The following CACNG3 variants were observed in gnomAD, a reference collection of about 807,000 sequenced individuals.
The protein encoded by CACNG3 is calcium voltage-gated channel auxiliary subunit gamma 3.
CACNG3 carries 3 observed loss-of-function variants against 28.5 expected under a neutral mutation model. The observed-to-expected ratio is 0.11, with a 90% CI of 0.05 to 0.27. CACNG3 has a LOEUF of 0.27. CACNG3 is among the 10% of genes least tolerant of loss of function. The pLI is 1.00. For synonymous variants in CACNG3, 174 were observed against 162.2 expected (o/e 1.07, Z -0.55); for missense variants, 236 against 414.4 (o/e 0.57, Z 3.74).
intron 1 of CACNG3, among the ~76,000 whole-genome samples, chr16:24,303,824 G>A (rs2141361313): frequency 6.6e-6 from 1 of 152,214 alleles, no homozygotes; most frequent in Admixed American, 6.5e-5. Context: ...AGGCTGAGGT[G>A]GGAGGGTAGC....
intron 1 of CACNG3, among the ~76,000 whole-genome samples, chr16:24,317,616 AAGAAAGAAAGACAGAC>A (rs1241544731): frequency 2.9e-5 from 2 of 68,908 alleles, no homozygotes; most frequent in Admixed American, 1.5e-4. Context: ...GAAAGAAAGA[AAGAAAGAAAGACAGAC>A]AGAAAGAAAG....
chr16:24,289,429 C>T (rs934973516), intron 1 of CACNG3, among the ~76,000 whole-genome samples: 8 of 152,180 alleles, frequency 5.3e-5, no homozygotes, highest in African/African-American at 1.7e-4. Flanking sequence ...AATTCTGAAA[C>T]AGCTGAAATG....
intron 3 of CACNG3, among the ~76,000 whole-genome samples, chr16:24,359,639 A>G (rs1015470496): frequency 1.3e-5 from 2 of 152,008 alleles, no homozygotes; most frequent in Non-Finnish European, 2.9e-5. Context: ...GGGTGGGAGG[A>G]TCACTTGAGG....
At chr16:24,340,712 C>G (rs1159741920) in intron 1 of CACNG3, among the ~76,000 whole-genome samples, 1 of 152,188 alleles carries the variant, frequency 6.6e-6, no homozygotes, top group African/African-American at 2.4e-5. Flanking sequence ...GTCTCTACAA[C>G]TGCACTTCAA....
In CACNG3 at chr16:24,317,624, A is replaced by AAGAAAGAAAGAAAGAC. The variant is rs1567217516; in HGVS notation, c.212-29107_212-29106insAAGAAAGAAAGACAGA. Among the ~76,000 whole-genome samples, 9 of 56,646 alleles carry AAGAAAGAAAGAAAGAC rather than the reference A, an allele frequency of 1.6e-4. 2 individuals are homozygous for AAGAAAGAAAGAAAGAC. Among genetic ancestry groups the AAGAAAGAAAGAAAGAC allele is most frequent in the Admixed American group, 5.6e-4 (3 of 5,334 alleles). The allele number at this position is 56,646 out of a possible 152,430, so 37.2% of individuals were successfully genotyped here. A position where few individuals can be genotyped will look rare whatever the true frequency, so the allele number is the denominator to read the frequency against. On this transcript the variant is annotated intron_variant, in intron 1 of 3. Transcript: ENST00000005284. ...AAAGAAAGAAAGAAAGAAAGAAAGAAAGACAGACAGAAAGAAAGAAAAGAA... is the reference window on the plus strand; with the variant it reads ...AAAGAAAGAAAGAAAGAAAGAAAGAAAGAAAGAAAGAAAGACAGACAGACAGAAAGAAAGAAAAGAA...
intron 1 of CACNG3, among the ~76,000 whole-genome samples, chr16:24,336,942 G>A (rs1899720807): frequency 2.0e-5 from 3 of 152,116 alleles, no homozygotes; most frequent in African/African-American, 7.2e-5. Flanking sequence ...GGCTTTCTGA[G>A]CATCTGGGAC....
In CACNG3 at chr16:24,361,766, G is replaced by A. The variant is rs1291260230; in HGVS notation, c.851G>A (p.Arg284Gln). 1.9e-6 allele frequency: 3 copies of A among 1,613,918 alleles called. No individual in the cohort carries two copies. Among genetic ancestry groups the A allele is most frequent in the Non-Finnish European group, 2.5e-6 (3 of 1,179,944 alleles). Residue 284 changes from arginine (R) to glutamine (Q), a missense_variant, in exon 4 of 4, where the codon CGG becomes CAG. Coordinates refer to ENST00000005284, the MANE Select transcript of CACNG3 (RefSeq NM_006539.4). The surrounding 1 kb of genome is among the most constrained non-coding windows in gnomAD (Gnocchi z 6.8). ...ATGGGGACCCTCCTCAACTCCGACC[G>A]GGACCACGCTTTTCTACAGTTCCAC... The part of the protein sequence containing the change: ...ITMGTLLNSD[R>Q]DHAFLQFHNS...
chr16:24,361,821 A>G lies in CACNG3; in HGVS notation c.906A>G (p.Ser302=), dbSNP rs1426146208. The G allele has an allele frequency of 6.2e-7, 1 of 1,613,230 alleles. No homozygotes were observed. The highest frequency in any genetic ancestry group is 1.3e-5 in the African/African-American group (1 of 75,044). ...HNSTPKEFKE[S]LHNNPANRRT... ...CCACACCCAAAGAGTTCAAAGAGTC[A>G]CTGCATAATAATCCGGCCAACAGGC... The change falls in exon 4 of 4, where the codon TCA becomes TCG. Residue 302 remains serine (S), a synonymous_variant. Coordinates refer to ENST00000005284, the MANE Select transcript of CACNG3 (RefSeq NM_006539.4). This position sits in a 1 kb window ranked among gnomAD's most constrained non-coding sequence, Gnocchi z 6.8.
At chr16:24,275,999 T>G (rs1304605442) in intron 1 of CACNG3, among the ~76,000 whole-genome samples, 1 of 152,164 alleles carries the variant, frequency 6.6e-6, no homozygotes, top group Non-Finnish European at 1.5e-5. Context: ...ACTTGTCGAG[T>G]TTTGGTGTAG....
chr16:24,302,108 A>G (rs544402335), intron 1 of CACNG3, among the ~76,000 whole-genome samples: 2 of 152,336 alleles, frequency 1.3e-5, no homozygotes, highest in African/African-American at 4.8e-5. Flanking sequence ...GCAGCCTGGA[A>G]AGCAGCAAAA....
intron 1 of CACNG3, among the ~76,000 whole-genome samples, chr16:24,258,283 AC>A (rs1489244062): frequency 2.0e-5 from 3 of 152,148 alleles, no homozygotes; most frequent in Non-Finnish European, 2.9e-5. Context: ...TGCTCTCCTG[AC>A]CGTAGCGCTA....
chr16:24,299,963 C>T (rs115397312), intron 1 of CACNG3, among the ~76,000 whole-genome samples: 1,523 of 150,856 alleles, frequency 0.01, 24 homozygotes, highest in African/African-American at 0.034. Flanking sequence ...CACACACATA[C>T]GATAGAATGA....
intron 1 of CACNG3, among the ~76,000 whole-genome samples, chr16:24,266,050 T>C (rs971523649): frequency 6.6e-6 from 1 of 152,224 alleles, no homozygotes; most frequent in African/African-American, 2.4e-5. Flanking sequence ...TGTAATCAGA[T>C]ATTCTTTCTT....
Position 24,273,233 on chromosome 16 carries a change from T to G in CACNG3, c.211+16268T>G, listed in dbSNP as rs75771833. ...ATTGCTTTTTTAAACCATTTTTTATTCAGTCCTTCTGGTAGTTACATCCTT... is the reference window on the plus strand; with the variant it reads ...ATTGCTTTTTTAAACCATTTTTTATGCAGTCCTTCTGGTAGTTACATCCTT... On this transcript the variant is annotated intron_variant, in intron 1 of 3. Transcript: ENST00000005284. Among the ~76,000 whole-genome samples, 1,149 of 152,312 alleles carry G rather than the reference T, an allele frequency of 7.5e-3. 8 individuals carry two copies. The highest frequency in any genetic ancestry group is 0.012 in the Non-Finnish European group (826 of 68,016).
intron 1 of CACNG3, among the ~76,000 whole-genome samples, chr16:24,325,142 T>TA (rs1315260024): frequency 1.3e-5 from 2 of 152,210 alleles, no homozygotes; most frequent in African/African-American, 4.8e-5. Flanking sequence ...GAATTTATGT[T>TA]ATGAGTTCTG....
At chr16:24,288,208 A>G (rs1898918879) in intron 1 of CACNG3, among the ~76,000 whole-genome samples, 1 of 152,196 alleles carries the variant, frequency 6.6e-6, no homozygotes, top group Non-Finnish European at 1.5e-5. Context: ...GGTGATGGTG[A>G]TGATGATAAT....
In CACNG3 at chr16:24,298,677, AT is replaced by A. The variant is rs530103197; in HGVS notation, c.211+41715del. Among the ~76,000 whole-genome samples the A allele has an allele frequency of 2.0e-5, 3 of 152,218 alleles. No individual in the cohort carries two copies. In the South Asian group the frequency reaches 6.2e-4, roughly 32 times the overall value. ...TAACTACATGTCATAGTCTATTCTG[AT>A]TTCCTGAGTTTCTCCCTAATATCCT... is the stretch of plus-strand genomic sequence containing the variant. On this transcript the variant is annotated intron_variant, in intron 1 of 3. Transcript: ENST00000005284.
rs115674579 is a variant in CACNG3 at position 24,345,776 on chromosome 16, G to A, written c.212-958G>A. On this transcript the variant is annotated intron_variant, in intron 1 of 3. Transcript: ENST00000005284. ...TCAGCAAATCTGAGGCTCCCAAAGG[G>A]GTGAACCTCATAGCGAGGGAGATGA... Among the ~76,000 whole-genome samples, 868 of 152,284 alleles carry A rather than the reference G, an allele frequency of 5.7e-3. 11 individuals are homozygous for A. The highest frequency in any genetic ancestry group is 0.019 in the African/African-American group (786 of 41,558).
intron 1 of CACNG3, among the ~76,000 whole-genome samples, chr16:24,343,454 G>A (rs903418200): frequency 2.0e-5 from 3 of 152,092 alleles, no homozygotes; most frequent in Non-Finnish European, 4.4e-5. Context: ...TGAGGAGTAC[G>A]GAAATCAACT....
Sources: gnomAD v4.1 joint callset for allele counts (sites outside exome capture counted in the v4.1 genomes callset) on GRCh38, gnomAD v4.1.1 for gene constraint, Gnocchi (gnomAD v3.1) non-coding constraint, MANE v1.5 for transcripts, NCBI Gene and HGNC (gene_info 2026-07-23, HGNC 2026-07-21) for gene names.